Variants in MARCHF11 observed in about 807,000 individuals in gnomAD.
MARCHF11 encodes E3 ubiquitin-protein ligase MARCHF11.
In MARCHF11, 29 loss-of-function variants were observed where a neutral mutation model predicts 37.3. That is an observed-to-expected ratio of 0.78 (90% CI 0.58 to 1.06). The LOEUF is 1.06. Among genes scored for constraint, MARCHF11 ranks in the 50% least tolerant of loss-of-function variants. The pLI, the probability that MARCHF11 is intolerant of heterozygous loss-of-function variation, is 0.00. For missense variants in MARCHF11, 482 were observed against 533.4 expected (o/e 0.90, Z 0.95); for synonymous variants, 233 against 228.0 (o/e 1.02, Z -0.20).
At chr5:16,166,633 C>T (rs992607681) in intron 2 of MARCHF11, among the ~76,000 whole-genome samples, 17 of 151,340 alleles carry the variant, frequency 1.1e-4, no homozygotes, top group Non-Finnish European at 1.9e-4. Context: ...AATTTCTATA[C>T]GATTAAATGT....
intron 2 of MARCHF11, among the ~76,000 whole-genome samples, chr5:16,172,120 T>C (rs748331356): frequency 2.6e-5 from 4 of 152,286 alleles, no homozygotes; most frequent in Non-Finnish European, 4.4e-5. Context: ...TTCAGAACCA[T>C]CTGGCTTAGG....
intron 3 of MARCHF11, among the ~76,000 whole-genome samples, chr5:16,086,356 T>C (rs1174228629): frequency 6.6e-6 from 1 of 152,182 alleles, no homozygotes; most frequent in Non-Finnish European, 1.5e-5. Context: ...GGGTGTGAGT[T>C]AAGTGGTCTT....
intron 2 of MARCHF11, among the ~76,000 whole-genome samples, chr5:16,162,964 G>A (rs751054564): frequency 6.6e-6 from 1 of 152,024 alleles, no homozygotes; most frequent in African/African-American, 2.4e-5. Context: ...TTATACAGCT[G>A]AGTAAGTGGC....
intron 2 of MARCHF11, among the ~76,000 whole-genome samples, chr5:16,126,556 A>G (rs1033676824): frequency 2.6e-5 from 4 of 152,206 alleles, no homozygotes; most frequent in African/African-American, 9.6e-5. Context: ...CTGCATAGAC[A>G]TTTTATAAAG....
intron 2 of MARCHF11, among the ~76,000 whole-genome samples, chr5:16,157,826 TAGAC>T (rs1393302005): frequency 9.9e-5 from 15 of 151,584 alleles, no homozygotes; most frequent in Admixed American, 9.9e-4. Flanking sequence ...AAAGTAAAAA[TAGAC>T]AGGAATTACA....
rs539328226 is a variant in MARCHF11, at chr5:16,133,486, A to T, written c.694-42405T>A. ...CATGAGAGAATCCAACAAGACCAAAAGACCACATAGATACATAAAAACTGA... is the reference window on the plus strand; with the variant it reads ...CATGAGAGAATCCAACAAGACCAAATGACCACATAGATACATAAAAACTGA... On this transcript the variant is annotated intron_variant, in intron 2 of 3. Transcript: ENST00000332432. Among the ~76,000 whole-genome samples the T allele has an allele frequency of 3.3e-5, 5 of 152,318 alleles. No homozygotes were observed. In the South Asian group the frequency reaches 1.0e-3, roughly 32 times the overall value.
intron 3 of MARCHF11, among the ~76,000 whole-genome samples, chr5:16,074,937 T>A (rs769132048): frequency 9.2e-5 from 14 of 152,242 alleles, no homozygotes; most frequent in African/African-American, 3.1e-4. Flanking sequence ...GTCTGCTTCA[T>A]GAAGTCTGCA....
intron 2 of MARCHF11, among the ~76,000 whole-genome samples, chr5:16,124,191 C>T (rs949876908): frequency 3.3e-5 from 5 of 151,654 alleles, no homozygotes; most frequent in South Asian, 2.1e-4. Context: ...AGTGAATTTA[C>T]GAGAAGTTGT....
intron 3 of MARCHF11, among the ~76,000 whole-genome samples, chr5:16,088,223 G>A (rs1736731558): frequency 6.6e-6 from 1 of 152,110 alleles, no homozygotes. Flanking sequence ...CATCCCTCCT[G>A]GTGTTCAACT....
intron 2 of MARCHF11, among the ~76,000 whole-genome samples, chr5:16,125,965 C>T (rs772458374): frequency 5.9e-5 from 9 of 152,226 alleles, no homozygotes; most frequent in Middle Eastern, 3.4e-3. Context: ...TTCCTCATTT[C>T]GATTTGTGAA....
chr5:16,135,809 A>G (rs1337020920), intron 2 of MARCHF11, among the ~76,000 whole-genome samples: 7 of 151,724 alleles, frequency 4.6e-5, no homozygotes, highest in Non-Finnish European at 2.9e-5. Context: ...CCTCAATGCA[A>G]AGATGTGGAA....
intron 2 of MARCHF11, among the ~76,000 whole-genome samples, chr5:16,170,293 C>T (rs915262113): frequency 6.6e-6 from 1 of 152,076 alleles, no homozygotes; most frequent in Non-Finnish European, 1.5e-5. Flanking sequence ...GGGTGTCACA[C>T]ATGGGTAATT....
At chr5:16,123,407 C>T (rs1032133349) in intron 2 of MARCHF11, among the ~76,000 whole-genome samples, 1 of 152,122 alleles carries the variant, frequency 6.6e-6, no homozygotes, top group African/African-American at 2.4e-5. Context: ...ACCTTCATAG[C>T]CCTCAGAAGG....
intron 2 of MARCHF11, among the ~76,000 whole-genome samples, chr5:16,119,338 G>A (rs1396862442): frequency 6.6e-6 from 1 of 151,760 alleles, no homozygotes; most frequent in Non-Finnish European, 1.5e-5. Context: ...CTCCAGCCTG[G>A]GCAACAGAGT....
At chr5:16,178,604 T>G (rs1448929305) in intron 1 of MARCHF11, among the ~76,000 whole-genome samples, 1 of 152,212 alleles carries the variant, frequency 6.6e-6, no homozygotes, top group Non-Finnish European at 1.5e-5. Flanking sequence ...TCACCCAAAT[T>G]TGCAGTAAGG....
chr5:16,132,953 A>T (rs1737542188), intron 2 of MARCHF11, among the ~76,000 whole-genome samples: 1 of 152,218 alleles, frequency 6.6e-6, no homozygotes, highest in South Asian at 2.1e-4. Flanking sequence ...TGGATGCAAA[A>T]AATAAAGACG....
At chr5:16,109,865 C>A (rs72738264) in intron 2 of MARCHF11, among the ~76,000 whole-genome samples, 1 of 152,138 alleles carries the variant, frequency 6.6e-6, no homozygotes, top group Non-Finnish European at 1.5e-5. Flanking sequence ...CCCCCACATG[C>A]CTAGTGCCAG....
intron 2 of MARCHF11, among the ~76,000 whole-genome samples, chr5:16,160,277 AAATATTT>A (rs1186440715): frequency 1.4e-5 from 2 of 145,248 alleles, no homozygotes; most frequent in Non-Finnish European, 3.0e-5. Flanking sequence ...TATTTATATT[AAATATTT>A]AATATTTATA....
chr5:16,156,367 ATAGT>A (rs1312733508), intron 2 of MARCHF11, among the ~76,000 whole-genome samples: 2 of 151,962 alleles, frequency 1.3e-5, no homozygotes, highest in African/African-American at 2.4e-5. Flanking sequence ...TCATCCATAC[ATAGT>A]TAGCACCTTA....
Sources: gnomAD v4.1 joint callset for allele counts (sites outside exome capture counted in the v4.1 genomes callset) on GRCh38, gnomAD v4.1.1 for gene constraint, MANE v1.5 for transcripts, NCBI Gene and HGNC (gene_info 2026-07-23, HGNC 2026-07-21) for gene names.